Variants in PACSIN2 observed in about 807,000 individuals in gnomAD.
PACSIN2 encodes protein kinase C and casein kinase substrate in neurons protein 2.
In PACSIN2, 25 loss-of-function variants were observed where a neutral mutation model predicts 63.8. That is an observed-to-expected ratio of 0.39 (90% CI 0.29 to 0.55). The LOEUF is 0.55. Ranked by LOEUF, PACSIN2 falls within the 20% of genes least tolerant of loss-of-function variation. The pLI is 0.62. For synonymous variants in PACSIN2, 255 were observed against 256.2 expected, an observed-to-expected ratio of 1.00 and a Z score of 0.05; for missense variants, 518 against 646.9, an observed-to-expected ratio of 0.80 and a Z score of 2.16.
Position 42,932,304 on chromosome 22 carries a change from C to G in PACSIN2, c.-77-20147G>C, listed in dbSNP as rs542546720. 4.5e-4 allele frequency among the ~76,000 whole-genome samples: 68 copies of G among 152,288 alleles called. 1 individual carries two copies. The South Asian group carries it at 0.014, about 31-fold the overall frequency. On this transcript the variant is annotated intron_variant, in intron 1 of 10. Coordinates refer to ENST00000263246, the MANE Select transcript of PACSIN2 (RefSeq NM_001184970.3). ...TCCCCCTCACACCATTTGGGGCATC[C>G]CTTAGAGAATCTAGCCACACCTCCC...
rs1470599244 is a variant in PACSIN2, at chr22:42,958,074, T to C, written c.-77-45917A>G. On this transcript the variant is annotated intron_variant, in intron 1 of 10. Coordinates refer to ENST00000263246, the MANE Select transcript of PACSIN2 (RefSeq NM_001184970.3). Reference sequence around the variant, plus strand: ...GCTGAGTGTTTGAAAGTGAAACAAATATGAACGGACTCATCAGTAGAAAAA... The same window carrying C: ...GCTGAGTGTTTGAAAGTGAAACAAACATGAACGGACTCATCAGTAGAAAAA... Among the ~76,000 whole-genome samples the C allele has an allele frequency of 3.3e-5, 5 of 151,546 alleles. No homozygotes were observed. The East Asian group carries it at 7.7e-4, about 23-fold the overall frequency.
intron 1 of PACSIN2, among the ~76,000 whole-genome samples, chr22:42,971,494 G>A (rs1569338454): frequency 6.6e-6 from 1 of 152,214 alleles, no homozygotes; most frequent in Non-Finnish European, 1.5e-5. Context: ...TGCAGCCTCT[G>A]CCCGGCCGCC....
At chr22:42,877,734 C>G (rs5759006) in intron 8 of PACSIN2, among the ~76,000 whole-genome samples, 67,164 of 152,034 alleles carry the variant, frequency 0.44, 15,357 homozygotes, top group Non-Finnish European at 0.48. Context: ...AGACCACAGG[C>G]AGACCATCAA....
intron 1 of PACSIN2, among the ~76,000 whole-genome samples, chr22:42,922,275 A>G (rs558933533): frequency 1.4e-4 from 22 of 152,332 alleles, no homozygotes; most frequent in Non-Finnish European, 3.1e-4. Flanking sequence ...TTGATAACAG[A>G]TATCAGGTAA....
At chr22:42,911,005 T>C (rs1239537936) in intron 2 of PACSIN2, among the ~76,000 whole-genome samples, 1 of 151,844 alleles carries the variant, frequency 6.6e-6, no homozygotes, top group Non-Finnish European at 1.5e-5. Context: ...CCCGGGTTCA[T>C]GCCATTCTCC....
intron 1 of PACSIN2, among the ~76,000 whole-genome samples, chr22:42,975,675 C>T (rs1921654945): frequency 7.0e-6 from 1 of 142,422 alleles, no homozygotes; most frequent in Non-Finnish European, 1.5e-5. Flanking sequence ...AAAAAAGGTG[C>T]AGGAATGATG....
chr22:42,904,065 A>C (rs1394802856), intron 2 of PACSIN2, among the ~76,000 whole-genome samples: 1 of 152,246 alleles, frequency 6.6e-6, no homozygotes, highest in East Asian at 1.9e-4. Context: ...TAGATGACAC[A>C]GAAACCCAGA....
At chr22:42,881,196 G>C (rs1430141189) in intron 7 of PACSIN2, among the ~76,000 whole-genome samples, 1 of 152,212 alleles carries the variant, frequency 6.6e-6, no homozygotes, top group Admixed American at 6.5e-5. Flanking sequence ...GCAGGAGTAA[G>C]GACTGACAAA....
At chr22:42,894,979 C>CA (rs1338478790) in intron 2 of PACSIN2, among the ~76,000 whole-genome samples, 3 of 152,226 alleles carry the variant, frequency 2.0e-5, no homozygotes, top group Non-Finnish European at 2.9e-5. Context: ...GGCTGAGCTA[C>CA]ATGGGCTGAG....
At chr22:42,888,564 G>T in intron 5 of PACSIN2, 79 bp downstream of exon 5, 1 of 1,421,404 alleles carries the variant, frequency 7.0e-7, no homozygotes, top group Non-Finnish European at 9.9e-7. Context: ...CACCCAAGCA[G>T]TTACAGAAGG....
intron 1 of PACSIN2, among the ~76,000 whole-genome samples, chr22:42,934,091 A>G (rs1932839698): frequency 6.6e-6 from 1 of 152,228 alleles, no homozygotes; most frequent in African/African-American, 2.4e-5. Context: ...ATGTGAGACA[A>G]AGAGAGTAAA....
chr22:42,939,844 C>T (rs556653340), intron 1 of PACSIN2, among the ~76,000 whole-genome samples: 5 of 152,314 alleles, frequency 3.3e-5, no homozygotes, highest in East Asian at 1.9e-4. Context: ...TTTGCTTCTT[C>T]GCTAATTAAC....
At position 42,962,778 on chromosome 22, in the gene PACSIN2, G is replaced by GGC. The variant is rs71186552; in HGVS notation, c.-77-50622_-77-50621insGC. Among the ~76,000 whole-genome samples the GGC allele has an allele frequency of 6.9e-5, 8 of 116,396 alleles. 1 individual carries two copies. Among genetic ancestry groups the GGC allele is most frequent in the Non-Finnish European group, 1.1e-4 (6 of 56,642 alleles). The allele number at this position is 116,396 out of a possible 152,430, so 76.4% of individuals were successfully genotyped here. A position where few individuals can be genotyped will look rare whatever the true frequency, so the allele number is the denominator to read the frequency against. On this transcript the variant is annotated intron_variant, in intron 1 of 10. Transcript: ENST00000263246. ...AGTCACAAGAGCAAGGTGTGGGCGG[G>GGC]GGGGGGGGGCGGCGCAGAAAAAGAA... is the stretch of plus-strand genomic sequence containing the variant.
chr22:42,881,404 G>A (rs925017349), intron 7 of PACSIN2, among the ~76,000 whole-genome samples: 1 of 152,198 alleles, frequency 6.6e-6, no homozygotes, highest in East Asian at 1.9e-4. Flanking sequence ...GGTCAGAGGT[G>A]AGCAGAATCT....
At chr22:42,879,002 C>T in intron 8 of PACSIN2, 46 bp downstream of exon 8, 1 of 1,590,196 alleles carries the variant, frequency 6.3e-7, no homozygotes, top group Non-Finnish European at 8.6e-7. Context: ...GCCCAGGGCC[C>T]CCACCATGGA....
At chr22:42,915,368 T>G (rs1172914825) in intron 1 of PACSIN2, among the ~76,000 whole-genome samples, 1 of 152,188 alleles carries the variant, frequency 6.6e-6, no homozygotes, top group African/African-American at 2.4e-5. Flanking sequence ...AGGGACATTC[T>G]CCGGTTACAT....
intron 1 of PACSIN2, among the ~76,000 whole-genome samples, chr22:43,009,548 C>T (rs1924316287): frequency 1.3e-5 from 2 of 152,280 alleles, no homozygotes; most frequent in African/African-American, 4.8e-5. Context: ...GGTGAAGGTC[C>T]TCTAAGTCCT....
intron 2 of PACSIN2, among the ~76,000 whole-genome samples, chr22:42,895,369 C>G (rs747574191): frequency 6.6e-6 from 1 of 152,188 alleles, no homozygotes; most frequent in Non-Finnish European, 1.5e-5. Flanking sequence ...TGAGGTAACA[C>G]GGCCCTAACT....
At chr22:42,940,631 T>G (rs12106550) in intron 1 of PACSIN2, among the ~76,000 whole-genome samples, 48,589 of 152,128 alleles carry the variant, frequency 0.32, 9,214 homozygotes, top group Non-Finnish European at 0.43. Context: ...GGTCCTGGGT[T>G]TCCCTATACC....
Sources: allele counts gnomAD v4.1 joint callset (sites outside exome capture counted in the v4.1 genomes callset), GRCh38; gene constraint gnomAD v4.1.1; transcripts MANE v1.5; gene names NCBI Gene and HGNC (gene_info 2026-07-23, HGNC 2026-07-21).